Variants in ITFG2 observed in about 807,000 individuals in gnomAD.
The protein encoded by ITFG2 is integrin alpha FG-GAP repeat containing 2.
ITFG2 carries 36 observed loss-of-function variants against 54.4 expected under a neutral mutation model. That is an observed-to-expected ratio of 0.66 (90% CI 0.51 to 0.87). The LOEUF (loss-of-function observed/expected upper bound fraction) is 0.87, where lower values mean the gene tolerates loss of function less well. Ranked by LOEUF, ITFG2 falls within the 40% of genes least tolerant of loss-of-function variation. The probability of loss-of-function intolerance (pLI) is 0.00; values close to 1 mark genes in which losing one functional copy is unlikely to be tolerated. For synonymous variants in ITFG2, 211 were observed against 225.4 expected, an observed-to-expected ratio of 0.94 and a Z score of 0.57; for missense variants, 524 against 576.7, an observed-to-expected ratio of 0.91 and a Z score of 0.94.
chr12:2,816,640 T>C (rs1006061524), intron 1 of ITFG2, among the ~76,000 whole-genome samples: 15 of 140,584 alleles, frequency 1.1e-4, no homozygotes, highest in South Asian at 2.3e-4. Flanking sequence ...TTTTTTCTTT[T>C]TTTTTTTTTT....
At chr12:2,834,512 C>T (rs1228824529), upstream of ITFG2, 3 of 1,321,292 alleles carry the variant, frequency 2.3e-6, no homozygotes, top group South Asian at 1.6e-5. Flanking sequence ...GATGACCTCT[C>T]CCCATCTCAG....
upstream of ITFG2, among the ~76,000 whole-genome samples, chr12:2,832,407 ACTC>A (rs1565432594): frequency 6.7e-6 from 1 of 150,176 alleles, no homozygotes; most frequent in Non-Finnish European, 1.5e-5. Context: ...CCATGTCTTC[ACTC>A]CTCTCTCCTC....
At chr12:2,835,338 G>C (rs944370811), upstream of ITFG2, 1 of 467,272 alleles carries the variant, frequency 2.1e-6, no homozygotes, top group Non-Finnish European at 2.9e-6. Context: ...GCCCTCCTCT[G>C]CATCCCTCCC....
At chr12:2,839,697 A>G (rs567787256) in intron 1 of ITFG2, among the ~76,000 whole-genome samples, 4 of 152,192 alleles carry the variant, frequency 2.6e-5, no homozygotes, top group African/African-American at 9.7e-5. Flanking sequence ...GAACAGGTAG[A>G]TAATGAACAA....
At position 2,854,948 on chromosome 12, in the gene ITFG2, C is replaced by T. The variant is rs543265361; in HGVS notation, n.301-3064C>T. 1.7e-4 allele frequency: 260 copies of T among 1,536,140 alleles called. 2 individuals carry two copies. In the African/African-American group the frequency reaches 3.3e-3, roughly 19 times the overall value. ...TTGCCCTGGGCATCGAGTGGGGGTGCTCTTGCCTCACTCCTCAACTTGAGC... is the reference window on the plus strand; with the variant it reads ...TTGCCCTGGGCATCGAGTGGGGGTGTTCTTGCCTCACTCCTCAACTTGAGC... On this transcript the variant is annotated intron_variant and non_coding_transcript_variant, in intron 2 of 3. Coordinates refer to the ITFG2 transcript ENST00000537710.
At chr12:2,849,142 A>G in intron 2 of ITFG2, 1 of 1,366,334 alleles carries the variant, frequency 7.3e-7, no homozygotes, top group Non-Finnish European at 9.7e-7. Flanking sequence ...TCCTTTTGCT[A>G]CCCCAGGGCC....
chr12:2,823,346 G>A (rs1331670497), intron 10 of ITFG2, among the ~76,000 whole-genome samples: 2 of 152,128 alleles, frequency 1.3e-5, no homozygotes, highest in Non-Finnish European at 2.9e-5. Context: ...CAAATCAGGG[G>A]CCTTGGGAGG....
chr12:2,813,080 A>T (rs937413483), intron 1 of ITFG2, among the ~76,000 whole-genome samples: 1 of 152,236 alleles, frequency 6.6e-6, no homozygotes, highest in Admixed American at 6.5e-5. Context: ...TCTGTCACCC[A>T]GGCTGGAGTG....
chr12:2,840,119 A>C (rs1285569566), intron 1 of ITFG2, among the ~76,000 whole-genome samples: 2 of 151,178 alleles, frequency 1.3e-5, no homozygotes, highest in African/African-American at 4.9e-5. Context: ...AAAAAAAAAA[A>C]GGGCAAGATC....
chr12:2,828,153 C>T (rs2097979021), downstream of ITFG2: 1 of 1,224,706 alleles, frequency 8.2e-7, no homozygotes, highest in African/African-American at 1.5e-5. Context: ...CAACCCCTGA[C>T]CTCACGTGGG....
chr12:2,849,920 C>T (rs912914357), intron 2 of ITFG2, among the ~76,000 whole-genome samples: 4 of 152,180 alleles, frequency 2.6e-5, no homozygotes, highest in South Asian at 2.1e-4. Flanking sequence ...AGTAAGCCTG[C>T]GGTATTGGGT....
upstream of ITFG2, chr12:2,834,626 A>G: frequency 6.4e-7 from 1 of 1,557,562 alleles, no homozygotes; most frequent in Non-Finnish European, 8.7e-7. Context: ...CTGGCAGGGG[A>G]GGGGTGATGC....
chr12:2,830,999 G>A (rs2097999918), downstream of ITFG2: 1 of 799,350 alleles, frequency 1.3e-6, no homozygotes. Flanking sequence ...TTACCCTAGG[G>A]TCCCAGATAA....
rs1363913765 is a variant in ITFG2 at position 2,823,827 on chromosome 12, A to G, written c.1124A>G (p.Asn375Ser). The change falls in exon 11 of 12, where the codon AAC (asparagine) becomes AGC (serine). Residue 375 changes from asparagine to serine, a missense_variant. Transcript: ENST00000228799. ...NSPCLVYVTF[N>S]QKIYVYWEVQ... ...CCCTGCCTCGTATATGTCACTTTCA[A>G]CCAGAAGATCTATGTGTACTGGGAG... 4 of 1,609,104 alleles carry G rather than the reference A, an allele frequency of 2.5e-6. No homozygotes were observed. The highest frequency in any genetic ancestry group is 3.4e-6 in the Non-Finnish European group (4 of 1,177,190).
At chr12:2,818,892 C>T (rs2097931823) in intron 4 of ITFG2, among the ~76,000 whole-genome samples, 1 of 151,932 alleles carries the variant, frequency 6.6e-6, no homozygotes, top group African/African-American at 2.4e-5. Context: ...GTGGCAGGCA[C>T]CTGTTATCCC....
chr12:2,823,727 A>G (rs752732470), intron 10 of ITFG2, 43 bp from the exon 11 acceptor site: 3 of 1,510,424 alleles, frequency 2.0e-6, no homozygotes, highest in South Asian at 1.4e-5. Flanking sequence ...CACTGTCGGC[A>G]CTGAAACTTC....
chr12:2,812,949 G>GTGAGCA, intron 1 of ITFG2, 93 bp downstream of exon 1: 4 of 1,043,170 alleles, frequency 3.8e-6, no homozygotes, highest in Non-Finnish European at 5.8e-6. Context: ...CCACGTGAGC[G>GTGAGCA]TGAGCATGCG....
At chr12:2,823,444 C>A (rs2097952521) in intron 10 of ITFG2, among the ~76,000 whole-genome samples, 1 of 152,204 alleles carries the variant, frequency 6.6e-6, no homozygotes, top group Admixed American at 6.5e-5. Context: ...TCGTGTTTTG[C>A]TAGTCTCGCC....
At chr12:2,857,633 C>T (rs1251891887) in intron 2 of ITFG2, 1 of 154,310 alleles carries the variant, frequency 6.5e-6, no homozygotes, top group Non-Finnish European at 1.4e-5. Context: ...CTTTTCCAGC[C>T]TCTCCTGGTG....
Sources: gnomAD v4.1 joint callset for allele counts (sites outside exome capture counted in the v4.1 genomes callset) on GRCh38, gnomAD v4.1.1 for gene constraint, MANE v1.5 for transcripts, NCBI Gene and HGNC (gene_info 2026-07-23, HGNC 2026-07-21) for gene names.